The following PUM2 variants were observed in gnomAD, a reference collection of about 807,000 sequenced individuals.
PUM2 encodes pumilio RNA binding family member 2.
Under a neutral mutation model 124.5 loss-of-function variants are expected in PUM2, and 57 were observed. The observed-to-expected ratio is 0.46, with a 90% CI of 0.37 to 0.57. The LOEUF (loss-of-function observed/expected upper bound fraction) is 0.57. Among genes scored for constraint, PUM2 ranks in the 20% least tolerant of loss-of-function variants. The pLI, the probability that PUM2 is intolerant of heterozygous loss-of-function variation, is 0.00. For missense variants in PUM2, 1,065 were observed against 1,290.6 expected, an observed-to-expected ratio of 0.83 and a Z score of 2.68; for synonymous variants, 460 against 446.1, an observed-to-expected ratio of 1.03 and a Z score of -0.39.
intron 10 of PUM2, among the ~76,000 whole-genome samples, chr2:20,287,807 T>C (rs143546872): frequency 6.6e-6 from 1 of 152,338 alleles, no homozygotes; most frequent in East Asian, 1.9e-4. Context: ...TAGTTAAAGG[T>C]AACTTTGAAG....
At chr2:20,344,690 T>G (rs2149117799) in intron 1 of PUM2, among the ~76,000 whole-genome samples, 1 of 152,152 alleles carries the variant, frequency 6.6e-6, no homozygotes, top group South Asian at 2.1e-4. Context: ...TATAACATTT[T>G]AAGATTCCGC....
chr2:20,288,830 G>A lies in PUM2; in HGVS notation c.1291+1822C>T, dbSNP rs1412844931. Among the ~76,000 whole-genome samples, 6 of 152,076 alleles carry A rather than the reference G, an allele frequency of 3.9e-5. No individual in the cohort carries two copies. In the East Asian group the frequency reaches 9.6e-4, roughly 24 times the overall value. On this transcript the variant is annotated intron_variant, in intron 10 of 20. Transcript: ENST00000361078. Reference sequence around the variant, plus strand: ...AGTCTGGGCACAATGAAGTAAAGAAGGCATCAAAGAAAGTTTTAGTGTGAG... The same window carrying A: ...AGTCTGGGCACAATGAAGTAAAGAAAGCATCAAAGAAAGTTTTAGTGTGAG...
intron 13 of PUM2, among the ~76,000 whole-genome samples, chr2:20,269,565 T>TA (rs1321852284): frequency 3.3e-5 from 5 of 152,190 alleles, no homozygotes; most frequent in East Asian, 3.9e-4. Flanking sequence ...ACAATGAGTT[T>TA]AAAAAAACAA....
intron 20 of PUM2, among the ~76,000 whole-genome samples, chr2:20,252,399 CCT>C (rs1663640180): frequency 6.6e-6 from 1 of 152,022 alleles, no homozygotes; most frequent in Admixed American, 6.6e-5. Context: ...CAACAGAGAC[CCT>C]GTCTTGAAAG....
chr2:20,311,286 T>C (rs1311185305), intron 5 of PUM2, among the ~76,000 whole-genome samples: 3 of 152,144 alleles, frequency 2.0e-5, no homozygotes, highest in African/African-American at 7.2e-5. Context: ...GAATGCACTG[T>C]TTCAGAGGCT....
Position 20,260,603 on chromosome 2 carries a change from C to T in PUM2, c.2226-137G>A, listed in dbSNP as rs1005841856. On this transcript the variant is annotated intron_variant, in intron 14 of 20. Transcript: ENST00000361078. The stretch of plus-strand genomic sequence containing the variant: ...CTTTATATAGTAGACAGCTAACTTA[C>T]AGCAAAAAGGACAAAAGTTATATAG... The T allele has an allele frequency of 2.4e-5, 17 of 711,318 alleles. No homozygotes were observed. In the African/African-American group the frequency reaches 2.7e-4, roughly 11 times the overall value. 44.1% of individuals were successfully genotyped at this position (711,318 alleles called of 1,614,324 possible). A position where few individuals can be genotyped will look rare whatever the true frequency, so the allele number is the denominator to read the frequency against.
intron 5 of PUM2, among the ~76,000 whole-genome samples, chr2:20,309,870 C>T (rs1679219548): frequency 6.6e-6 from 1 of 152,114 alleles, no homozygotes; most frequent in Admixed American, 6.5e-5. Flanking sequence ...CTTACACTCA[C>T]TTAAACATCA....
At chr2:20,278,469 A>T in intron 13 of PUM2, 114 bp downstream of exon 13, 1 of 933,096 alleles carries the variant, frequency 1.1e-6, no homozygotes, top group Non-Finnish European at 1.6e-6. Flanking sequence ...TAAAAGCAAA[A>T]GCAATTTGGC....
intron 13 of PUM2, among the ~76,000 whole-genome samples, chr2:20,277,167 C>G (rs1014002739): frequency 3.3e-5 from 5 of 152,232 alleles, no homozygotes; most frequent in East Asian, 1.9e-4. Context: ...GAAAAGATGA[C>G]AGGACATGAC....
chr2:20,259,372 C>G (rs1036294830), intron 15 of PUM2, among the ~76,000 whole-genome samples: 1 of 152,230 alleles, frequency 6.6e-6, no homozygotes, highest in Non-Finnish European at 1.5e-5. Flanking sequence ...ATCACTATCA[C>G]TATTTGTTTC....
intron 1 of PUM2, among the ~76,000 whole-genome samples, chr2:20,337,381 T>C (rs1189286464): frequency 2.0e-5 from 3 of 152,212 alleles, no homozygotes; most frequent in Non-Finnish European, 4.4e-5. Flanking sequence ...GGATTTACTT[T>C]GAAATACTCC....
At position 20,327,307 on chromosome 2, in the gene PUM2, T is replaced by C. The variant is rs752863442; in HGVS notation, c.51+3A>G. On this transcript the variant is annotated splice_donor_region_variant and intron_variant, in intron 2 of 20. Transcript: ENST00000361078. ...TAAGTTCTTAGTATTTGCAAACATT[T>C]ACCTCTCCCATTCCCCGAGATTCTA... The C allele has an allele frequency of 3.2e-6, 5 of 1,542,652 alleles. No homozygotes were observed. The highest frequency in any genetic ancestry group is 4.5e-6 in the Non-Finnish European group (5 of 1,117,232).
At chr2:20,297,465 T>G (rs912288608) in intron 8 of PUM2, 88 bp downstream of exon 8, 10 of 1,219,856 alleles carry the variant, frequency 8.2e-6, no homozygotes, top group Non-Finnish European at 1.1e-5. Flanking sequence ...GAATTTCAAA[T>G]TGCCCAAATA....
chr2:20,297,508 A>G, intron 8 of PUM2, 45 bp downstream of exon 8: 1 of 1,457,320 alleles, frequency 6.9e-7, no homozygotes, highest in Non-Finnish European at 9.2e-7. Flanking sequence ...AAAACTAAAT[A>G]CATTAAAAAG....
At chr2:20,351,691 C>T (rs1484909900), upstream of PUM2, among the ~76,000 whole-genome samples, 3 of 152,212 alleles carry the variant, frequency 2.0e-5, no homozygotes, top group Non-Finnish European at 4.4e-5. Flanking sequence ...CTGTAACAGG[C>T]ACCGTGTCCG....
chr2:20,332,964 T>C (rs1455841505), intron 1 of PUM2: 2 of 152,148 alleles, frequency 1.3e-5, no homozygotes, highest in Admixed American at 1.3e-4. Flanking sequence ...AATGAGAACT[T>C]ACCAACACAG....
intron 13 of PUM2, among the ~76,000 whole-genome samples, chr2:20,273,443 TTAAC>T (rs963718173): frequency 6.6e-5 from 10 of 152,134 alleles, no homozygotes; most frequent in Non-Finnish European, 1.5e-4. Flanking sequence ...ACTAAGTAAA[TTAAC>T]TGGTGAAAAC....
intron 8 of PUM2, among the ~76,000 whole-genome samples, chr2:20,296,690 A>G (rs373327392): frequency 5.9e-5 from 9 of 151,366 alleles, no homozygotes; most frequent in African/African-American, 1.7e-4. Flanking sequence ...TCTAAGGCAG[A>G]TATCAACCTA....
At chr2:20,326,393 G>A in intron 2 of PUM2, 1 of 1,304,240 alleles carries the variant, frequency 7.7e-7, no homozygotes, top group Non-Finnish European at 1.0e-6. Context: ...CATCTGAAGA[G>A]CACAGCATTG....
Sources: gnomAD v4.1 joint callset for allele counts (sites outside exome capture counted in the v4.1 genomes callset) on GRCh38, gnomAD v4.1.1 for gene constraint, MANE v1.5 for transcripts, NCBI Gene and HGNC (gene_info 2026-07-23, HGNC 2026-07-21) for gene names.